NPC2: variants seen among roughly 807,000 people sequenced by gnomAD.
NPC2 encodes NPC intracellular cholesterol transporter 2.
A neutral mutation model predicts 17.0 loss-of-function variants in NPC2; 14 were observed. The observed-to-expected ratio is 0.82, with a 90% CI of 0.54 to 1.29. The LOEUF (loss-of-function observed/expected upper bound fraction) is 1.29, where lower values mean the gene tolerates loss of function less well. Among genes scored for constraint, NPC2 ranks in the 50% most tolerant of loss-of-function variants. NPC2 has a pLI of 0.00. For missense variants in NPC2, 167 were observed against 183.4 expected (o/e 0.91, Z 0.52); for synonymous variants, 75 against 69.3 (o/e 1.08, Z -0.41).
At chr14:74,488,802 C>G (rs1479005506) in intron 1 of NPC2, among the ~76,000 whole-genome samples, 2 of 152,178 alleles carry the variant, frequency 1.3e-5, no homozygotes, top group Non-Finnish European at 2.9e-5. Flanking sequence ...GGAACTACCA[C>G]TTAACACTGA....
Position 74,493,239 on chromosome 14 carries a change from C to A in NPC2, c.36G>T (p.Ala12=), listed in dbSNP as rs1182966897. 3 of 1,613,092 alleles carry A rather than the reference C, an allele frequency of 1.9e-6. No homozygotes were observed. The highest frequency in any genetic ancestry group is 2.7e-5 in the African/African-American group (2 of 74,916). ...GTTCGGCCTGGGCAGCGGTGCTGAG[C>A]GCCAGGAGCAGGAATGTAGCTGCCA... The part of the protein sequence containing the change: ...RFLAATFLLL[A]LSTAAQAEPV... Residue 12 remains alanine, a synonymous_variant, in exon 1 of 5, where the codon GCG becomes GCT. Coordinates refer to ENST00000555619, the MANE Select transcript of NPC2 (RefSeq NM_006432.5). This position sits in a 1 kb window ranked among gnomAD's most constrained non-coding sequence, Gnocchi z 4.1.
In NPC2 at chr14:74,480,497, C is replaced by CT. The variant is rs373421076; in HGVS notation, c.441+204dup. The CT allele has an allele frequency of 4.9e-3, 3,371 of 684,998 alleles. 3 individuals carry two copies. The highest frequency in any genetic ancestry group is 0.016 in the African/African-American group (897 of 54,400). 42.4% of individuals were successfully genotyped at this position (684,998 alleles called of 1,614,324 possible). Reference sequence around the variant, plus strand: ...CTCACTCTCTCTTCTTTCCTTCAACCTTTTTTTTTTTTAACAAAGGATATT... The same window carrying CT: ...CTCACTCTCTCTTCTTTCCTTCAACCTTTTTTTTTTTTTAACAAAGGATATT... On this transcript the variant is annotated intron_variant, in intron 4 of 4. Coordinates refer to ENST00000555619, the MANE Select transcript of NPC2 (RefSeq NM_006432.5).
chr14:74,493,291 C>T lies in NPC2; in HGVS notation c.-17G>A, dbSNP rs2086797926. Reference sequence around the variant, plus strand: ...GAAACGCATCGCGGATAACGAAGTTCCAAGCTCGGGAAAGAAGCAGCGGCC... The same window carrying T: ...GAAACGCATCGCGGATAACGAAGTTTCAAGCTCGGGAAAGAAGCAGCGGCC... On this transcript the variant is annotated 5_prime_UTR_variant, in exon 1 of 5. Transcript: ENST00000555619. The surrounding 1 kb of genome is among the most constrained non-coding windows in gnomAD (Gnocchi z 4.1). 1 of 1,611,092 alleles carries T rather than the reference C, an allele frequency of 6.2e-7. No individual in the cohort carries two copies. The highest frequency in any genetic ancestry group is 8.5e-7 in the Non-Finnish European group (1 of 1,179,020).
At chr14:74,483,552 G>A in intron 3 of NPC2, 2 of 1,421,810 alleles carry the variant, frequency 1.4e-6, no homozygotes, top group Middle Eastern at 2.5e-4. Context: ...CAGGAATGAA[G>A]AACTATTGCC....
chr14:74,486,361 T>C lies in NPC2; in HGVS notation c.158A>G (p.Gln53Arg). The change falls in exon 2 of 5, where the codon CAG (glutamine) becomes CGG (arginine). Residue 53 changes from glutamine (Q) to arginine (R), a missense_variant. By Grantham distance (43) the Gln-to-Arg change is conservative. Coordinates refer to ENST00000555619, the MANE Select transcript of NPC2 (RefSeq NM_006432.5). ...GAAGGTGACATTGACGCTGTAAGAC[T>C]GTCCTTTGCTCAGCTGGCAGGGTTG... The part of the protein sequence containing the change: ...PTQPCQLSKG[Q>R]SYSVNVTFTS... 2 of 1,604,462 alleles carry C rather than the reference T, an allele frequency of 1.2e-6. No individual in the cohort carries two copies. Among genetic ancestry groups the C allele is most frequent in the Non-Finnish European group, 1.7e-6 (2 of 1,175,364 alleles).
In NPC2 at chr14:74,484,411, T is replaced by G; in HGVS notation, c.363+4A>C. 1 of 1,614,100 alleles carries G rather than the reference T, an allele frequency of 6.2e-7. No homozygotes were observed. Among genetic ancestry groups the G allele is most frequent in the Non-Finnish European group, 8.5e-7 (1 of 1,180,002 alleles). ...CCCGTGTCCTCAATAATGGTATCAC[T>G]TACAGAGGGATATTCGCTTTTCACT... On this transcript the variant is annotated splice_donor_region_variant and intron_variant, in intron 3 of 4. Transcript: ENST00000555619.
intron 3 of NPC2, chr14:74,483,109 T>C (rs1241022846): frequency 1.4e-5 from 14 of 1,001,084 alleles, no homozygotes; most frequent in Non-Finnish European, 2.1e-5. Flanking sequence ...TGAAGTCAAC[T>C]GCCAACAGTG....
intron 3 of NPC2, chr14:74,483,117 G>C: frequency 2.1e-6 from 2 of 962,062 alleles, no homozygotes; most frequent in Non-Finnish European, 3.4e-6. Context: ...ACTGCCAACA[G>C]TGTATGCTTA....
At chr14:74,487,585 G>A (rs1489473846) in intron 1 of NPC2, among the ~76,000 whole-genome samples, 4 of 152,148 alleles carry the variant, frequency 2.6e-5, no homozygotes, top group Admixed American at 6.5e-5. Flanking sequence ...CACTTTATGC[G>A]GAAACAGCTA....
chr14:74,493,133 G>C lies in NPC2; in HGVS notation c.82+60C>G. 1.9e-6 allele frequency: 3 copies of C among 1,554,680 alleles called. No individual in the cohort carries two copies. Among genetic ancestry groups the C allele is most frequent in the Non-Finnish European group, 1.7e-6 (2 of 1,147,756 alleles). ...AGCCCAGCCCCAGGGGTCTCAGCGC[G>C]GGGGTCCGGCGGGGCCTTCCACAGA... is the stretch of plus-strand genomic sequence containing the variant. On this transcript the variant is annotated intron_variant, in intron 1 of 4. Coordinates refer to ENST00000555619, the MANE Select transcript of NPC2 (RefSeq NM_006432.5). The surrounding 1 kb of genome is among the most constrained non-coding windows in gnomAD (Gnocchi z 4.1).
intron 2 of NPC2, among the ~76,000 whole-genome samples, chr14:74,484,799 T>C (rs1389744228): frequency 6.6e-6 from 1 of 151,860 alleles, no homozygotes; most frequent in Non-Finnish European, 1.5e-5. Context: ...AAGTTTTCTT[T>C]GCTCTTAACC....
At chr14:74,481,042 TTCTC>T (rs1361455955) in intron 3 of NPC2, among the ~76,000 whole-genome samples, 5 of 152,258 alleles carry the variant, frequency 3.3e-5, no homozygotes, top group African/African-American at 1.2e-4. Flanking sequence ...AAGCATTCTC[TTCTC>T]TCTTAGATCA....
chr14:74,489,509 G>C (rs1185163501), intron 1 of NPC2, among the ~76,000 whole-genome samples: 1 of 151,098 alleles, frequency 6.6e-6, no homozygotes, highest in South Asian at 2.1e-4. Flanking sequence ...ATGTATACTC[G>C]ATTTTGGGAA....
At position 74,488,080 on chromosome 14, in the gene NPC2, T is replaced by G. The variant is rs150804956; in HGVS notation, c.83-1644A>C. 1.9e-3 allele frequency among the ~76,000 whole-genome samples: 287 copies of G among 152,326 alleles called. 1 individual carries two copies. Among genetic ancestry groups the G allele is most frequent in the Non-Finnish European group, 3.2e-3 (215 of 68,036 alleles). On this transcript the variant is annotated intron_variant, in intron 1 of 4. Transcript: ENST00000555619. Reference sequence around the variant, plus strand: ...GAAGGACACCCCAAGGAAATTTGCATCTGAGAACTACTTGAGGACTCTGGA... The same window carrying G: ...GAAGGACACCCCAAGGAAATTTGCAGCTGAGAACTACTTGAGGACTCTGGA...
At chr14:74,485,989 G>T (rs1377397040) in intron 2 of NPC2, among the ~76,000 whole-genome samples, 1 of 152,122 alleles carries the variant, frequency 6.6e-6, no homozygotes, top group Non-Finnish European at 1.5e-5. Context: ...AAGAATTGGG[G>T]TCCATACTAA....
At chr14:74,487,263 G>GTTTTTTTTTTTTTTTTTTTTTT (rs1208707592) in intron 1 of NPC2, among the ~76,000 whole-genome samples, 2 of 134,952 alleles carry the variant, frequency 1.5e-5, no homozygotes, top group African/African-American at 2.9e-5. Flanking sequence ...TTGTTTTTGT[G>GTTTTTTTTTTTTTTTTTTTTTT]GTTTTTTTTT....
At chr14:74,483,009 T>C in intron 3 of NPC2, 1 of 887,868 alleles carries the variant, frequency 1.1e-6, no homozygotes. Context: ...CAGGAGGTGT[T>C]GGGCAGTCTG....
intron 1 of NPC2, among the ~76,000 whole-genome samples, chr14:74,489,299 A>G (rs1047052037): frequency 1.3e-5 from 2 of 152,248 alleles, no homozygotes; most frequent in Admixed American, 1.3e-4. Flanking sequence ...AATACTGCAT[A>G]TGTTAAAAAC....
At chr14:74,487,869 C>T (rs183453166) in intron 1 of NPC2, among the ~76,000 whole-genome samples, 10 of 152,328 alleles carry the variant, frequency 6.6e-5, no homozygotes, top group African/African-American at 7.2e-5. Context: ...AAACATCTCA[C>T]AACAATGGTA....
Sources: allele counts gnomAD v4.1 joint callset (sites outside exome capture counted in the v4.1 genomes callset), GRCh38; gene constraint gnomAD v4.1.1; non-coding constraint Gnocchi (gnomAD v3.1); transcripts MANE v1.5; gene names NCBI Gene and HGNC (gene_info 2026-07-23, HGNC 2026-07-21).